Variants in DPY19L1 observed in about 807,000 individuals in gnomAD.
The protein encoded by DPY19L1 is protein C-mannosyl-transferase DPY19L1.
DPY19L1 carries 35 observed loss-of-function variants against 96.9 expected under a neutral mutation model. The ratio of observed to expected loss-of-function variants is 0.36; its 90% CI spans 0.28 to 0.48. The LOEUF (loss-of-function observed/expected upper bound fraction) is 0.48, where lower values mean the gene tolerates loss of function less well. DPY19L1 is among the 20% of genes least tolerant of loss of function. DPY19L1 has a pLI of 0.99. For missense variants in DPY19L1, 521 were observed against 777.9 expected (o/e 0.67, Z 3.93); for synonymous variants, 205 against 252.6 (o/e 0.81, Z 1.79).
chr7:34,964,975 C>T (rs1046151208), intron 10 of DPY19L1, among the ~76,000 whole-genome samples: 10 of 152,078 alleles, frequency 6.6e-5, no homozygotes, highest in African/African-American at 2.4e-4. Context: ...TTACAAGATA[C>T]CATTTTACAC....
At position 34,930,592 on chromosome 7, in the gene DPY19L1, C is replaced by G. The variant is rs1175353830; in HGVS notation, c.*981G>C. 1 of 152,026 alleles carries G rather than the reference C, an allele frequency of 6.6e-6. No individual in the cohort carries two copies. Among genetic ancestry groups the G allele is most frequent in the Non-Finnish European group, 1.5e-5 (1 of 68,014 alleles). The allele number at this position is 152,026 out of a possible 1,614,324, so 9.4% of individuals were successfully genotyped here. ...TATCTTAATAGTAAAAGAAAAATTACCATGTACTACAGTCTACTGTTCCAC... is the reference window on the plus strand; with the variant it reads ...TATCTTAATAGTAAAAGAAAAATTAGCATGTACTACAGTCTACTGTTCCAC... On this transcript the variant is annotated 3_prime_UTR_variant, in exon 22 of 22. Coordinates refer to ENST00000638088, the MANE Select transcript of DPY19L1 (RefSeq NM_001366673.1).
At chr7:34,966,737 C>T (rs543568371) in intron 10 of DPY19L1, among the ~76,000 whole-genome samples, 157 bp downstream of exon 10, 23 of 152,162 alleles carry the variant, frequency 1.5e-4, no homozygotes, top group Non-Finnish European at 2.9e-5. Flanking sequence ...TGTGAGTGGT[C>T]TATCAAAATG....
Position 34,983,806 on chromosome 7 carries a change from A to C in DPY19L1, c.822+6078T>G, listed in dbSNP as rs184974170. 6.9e-3 allele frequency among the ~76,000 whole-genome samples: 1,048 copies of C among 152,310 alleles called. 6 individuals are homozygous for C. Among genetic ancestry groups the C allele is most frequent in the South Asian group, 0.027 (131 of 4,824 alleles). ...AAGAATGGGGAAAATAAAGTATTTA[A>C]AAAGAAGATCTTGGCTAGAAATTTT... On this transcript the variant is annotated intron_variant, in intron 7 of 21. Coordinates refer to ENST00000638088, the MANE Select transcript of DPY19L1 (RefSeq NM_001366673.1).
intron 1 of DPY19L1, among the ~76,000 whole-genome samples, chr7:35,027,079 C>G (rs1786137979): frequency 6.6e-6 from 1 of 152,092 alleles, no homozygotes; most frequent in African/African-American, 2.4e-5. Context: ...CACCTGTAAT[C>G]CGAGCTGCTC....
chr7:35,003,349 A>G (rs1351244324), intron 6 of DPY19L1, among the ~76,000 whole-genome samples: 1 of 152,194 alleles, frequency 6.6e-6, no homozygotes, highest in Non-Finnish European at 1.5e-5. Context: ...AAACCATGGA[A>G]GGTAGCCAGT....
chr7:35,014,801 A>C (rs1176385952), intron 3 of DPY19L1, among the ~76,000 whole-genome samples: 1 of 146,880 alleles, frequency 6.8e-6, no homozygotes, highest in Non-Finnish European at 1.5e-5. Flanking sequence ...GTCATATTGG[A>C]TTAAGGTGGA....
At chr7:34,954,542 C>T (rs1454503340) in intron 13 of DPY19L1, 156 bp downstream of exon 13, 1 of 451,844 alleles carries the variant, frequency 2.2e-6, no homozygotes, top group Non-Finnish European at 3.9e-6. Context: ...AATCTATATA[C>T]AATTACATTT....
intron 21 of DPY19L1, among the ~76,000 whole-genome samples, chr7:34,932,374 T>A (rs1783771490): frequency 6.6e-6 from 1 of 152,200 alleles, no homozygotes; most frequent in African/African-American, 2.4e-5. Flanking sequence ...TAGCTTACAG[T>A]TGGACAAAAT....
intron 8 of DPY19L1, among the ~76,000 whole-genome samples, chr7:34,970,575 T>C (rs2050349296): frequency 6.6e-6 from 1 of 152,200 alleles, no homozygotes. Flanking sequence ...TTATTTCTTG[T>C]TTCTCATAGA....
Position 35,028,853 on chromosome 7 carries a change from T to C in DPY19L1, c.298+8244A>G, listed in dbSNP as rs374221743. Among the ~76,000 whole-genome samples, 14 of 152,356 alleles carry C rather than the reference T, an allele frequency of 9.2e-5. No homozygotes were observed. In the South Asian group the frequency reaches 2.1e-3, roughly 23 times the overall value. On this transcript the variant is annotated intron_variant, in intron 1 of 21. Transcript: ENST00000638088. ...GAGGGTTCCTCCCCTTTTTAGACCATATAGCCTAACTTCCTGACATTGCCA... is the reference window on the plus strand; with the variant it reads ...GAGGGTTCCTCCCCTTTTTAGACCACATAGCCTAACTTCCTGACATTGCCA...
chr7:34,967,109 T>A (rs1301670185), intron 9 of DPY19L1, 138 bp from the exon 10 acceptor site: 1 of 554,594 alleles, frequency 1.8e-6, no homozygotes, highest in African/African-American at 2.0e-5. Flanking sequence ...ATCTGACAAT[T>A]TATTATTAAA....
intron 10 of DPY19L1, among the ~76,000 whole-genome samples, chr7:34,962,522 CAT>C (rs1784521376): frequency 6.6e-6 from 1 of 152,174 alleles, no homozygotes; most frequent in African/African-American, 2.4e-5. Context: ...ATGGTTGACA[CAT>C]GTCATTATAC....
intron 13 of DPY19L1, 89 bp from the exon 14 acceptor site, chr7:34,949,987 A>G (rs1784237718): frequency 1.5e-6 from 1 of 674,086 alleles, no homozygotes; most frequent in Non-Finnish European, 2.4e-6. Flanking sequence ...AGTTTTCATT[A>G]CATTATAGAG....
At chr7:35,034,907 C>T (rs113549835) in intron 1 of DPY19L1, among the ~76,000 whole-genome samples, 28 of 152,274 alleles carry the variant, frequency 1.8e-4, no homozygotes, top group African/African-American at 4.3e-4. Context: ...TGTATAATGT[C>T]AGCTCAACTC....
rs1035813683 is a variant in DPY19L1 at position 35,018,425 on chromosome 7, T to C, written c.323+147A>G. On this transcript the variant is annotated intron_variant, in intron 2 of 21. Coordinates refer to ENST00000638088, the MANE Select transcript of DPY19L1 (RefSeq NM_001366673.1). ...TATTATTCTGACCCTGATTTATCAA[T>C]TAAACTAGTTTTTCAGACTATTGTG... The C allele has an allele frequency of 1.3e-5, 9 of 691,518 alleles. No homozygotes were observed. In the Admixed American group the frequency reaches 3.0e-4, roughly 23 times the overall value. 42.8% of individuals were successfully genotyped at this position (691,518 alleles called of 1,614,324 possible).
At position 35,013,721 on chromosome 7, in the gene DPY19L1, G is replaced by A. The variant is rs768595258; in HGVS notation, c.412-16C>T. ...AATATAGTCCCTGAAATAAAGATAT[G>A]CTCAATTAAAATAACAAAAGGTACA... is the stretch of plus-strand genomic sequence containing the variant. On this transcript the variant is annotated splice_polypyrimidine_tract_variant and intron_variant, in intron 3 of 21. Coordinates refer to ENST00000638088, the MANE Select transcript of DPY19L1 (RefSeq NM_001366673.1). The A allele has an allele frequency of 2.6e-6, 4 of 1,567,106 alleles. No individual in the cohort carries two copies. The African/African-American group carries it at 5.5e-5, about 21-fold the overall frequency.
At chr7:35,010,873 C>T (rs781244085) in intron 5 of DPY19L1, among the ~76,000 whole-genome samples, 2 of 152,144 alleles carry the variant, frequency 1.3e-5, no homozygotes, top group Non-Finnish European at 2.9e-5. Context: ...AGAAGCAACA[C>T]TATGTGACTT....
chr7:34,938,134 A>G lies in DPY19L1; in HGVS notation c.1965-15T>C, dbSNP rs756011209. 6.2e-7 allele frequency: 1 copy of G among 1,610,236 alleles called. No individual in the cohort carries two copies. Among genetic ancestry groups the G allele is most frequent in the East Asian group, 2.2e-5 (1 of 44,834 alleles). On this transcript the variant is annotated splice_polypyrimidine_tract_variant and intron_variant, in intron 20 of 21. Transcript: ENST00000638088. The stretch of plus-strand genomic sequence containing the variant: ...TTGTTCTGGCTCTTTAAAGAAAAAT[A>G]ATTGGGCATAAAATTTTCAAGACTA...
At chr7:34,944,365 CAA>C (rs60937482) in intron 16 of DPY19L1, among the ~76,000 whole-genome samples, 150 of 82,316 alleles carry the variant, frequency 1.8e-3, no homozygotes, top group East Asian at 4.9e-3. Flanking sequence ...GGCTCTGTCT[CAA>C]AAAAAAAAAA....
Sources: gnomAD v4.1 joint callset for allele counts (sites outside exome capture counted in the v4.1 genomes callset) on GRCh38, gnomAD v4.1.1 for gene constraint, MANE v1.5 for transcripts, NCBI Gene and HGNC (gene_info 2026-07-23, HGNC 2026-07-21) for gene names.